Variants in ADH1B observed in about 807,000 individuals in gnomAD.
ADH1B encodes the protein alcohol dehydrogenase 1B (class I), beta polypeptide.
A neutral mutation model predicts 34.6 loss-of-function variants in ADH1B; 29 were observed. The ratio of observed to expected loss-of-function variants is 0.84; its 90% confidence interval spans 0.62 to 1.14. The LOEUF (loss-of-function observed/expected upper bound fraction) is 1.14. ADH1B is among the 50% of genes most tolerant of loss of function. The pLI, the probability that ADH1B is intolerant of heterozygous loss-of-function variation, is 0.00. For synonymous variants in ADH1B, 170 were observed against 175.5 expected, an observed-to-expected ratio of 0.97 and a Z score of 0.25; for missense variants, 424 against 468.4, an observed-to-expected ratio of 0.91 and a Z score of 0.87.
In ADH1B at chr4:99,307,787, T is replaced by A. The variant is rs1733648175; in HGVS notation, c.*53A>T. ...TATTTCCTAGCTGTTGCTCCAGATC[T>A]TGTAGGGTAGAGGAGGCTGAAGACT... On this transcript the variant is annotated 3_prime_UTR_variant, in exon 9 of 9. Coordinates refer to ENST00000305046, the MANE Select transcript of ADH1B (RefSeq NM_000668.6). The A allele has an allele frequency of 6.3e-7, 1 of 1,596,090 alleles. No homozygotes were observed. Among genetic ancestry groups the A allele is most frequent in the South Asian group, 1.1e-5 (1 of 90,680 alleles).
At chr4:99,314,125 TAGAA>T in intron 5 of ADH1B, 44 bp from the exon 6 acceptor site, 1 of 1,604,502 alleles carries the variant, frequency 6.2e-7, no homozygotes, top group Non-Finnish European at 8.5e-7. Context: ...TGATGATTGT[TAGAA>T]AGTGCCTAAG....
At chr4:99,311,772 C>A (rs1733760571) in intron 6 of ADH1B, 116 bp from the exon 7 acceptor site, 1 of 1,442,748 alleles carries the variant, frequency 6.9e-7, no homozygotes, top group Non-Finnish European at 9.4e-7. Flanking sequence ...GGGAAGAGAT[C>A]ATGTCTTTTG....
chr4:99,315,920 C>T lies in ADH1B; in HGVS notation c.545G>A (p.Gly182Glu). The change falls in exon 5 of 9, where the codon GGG (glycine) becomes GAG (glutamate). Residue 182 changes from glycine to glutamate, a missense_variant. Around this residue, in one of 3 missense-constraint regions of ADH1B, gnomAD observed 291 missense variants for 300.4 expected, o/e 0.97. Coordinates refer to ENST00000305046, the MANE Select transcript of ADH1B (RefSeq NM_000668.6). Reference sequence around the variant, plus strand: ...CACCTTGGCAACGTTAACTGCAGACCCATAACCAGTCGAGAATCCACAGCC... The same window carrying T: ...CACCTTGGCAACGTTAACTGCAGACTCATAACCAGTCGAGAATCCACAGCC... Reference protein sequence around the residue: ...LIGCGFSTGYGSAVNVAKVTP... With the variant: ...LIGCGFSTGYESAVNVAKVTP... 1 of 1,614,174 alleles carries T rather than the reference C, an allele frequency of 6.2e-7. No homozygotes were observed. The highest frequency in any genetic ancestry group is 8.5e-7 in the Non-Finnish European group (1 of 1,180,038).
intron 6 of ADH1B, among the ~76,000 whole-genome samples, chr4:99,312,739 GC>G: frequency 6.6e-6 from 1 of 152,268 alleles, no homozygotes; most frequent in East Asian, 1.9e-4. Context: ...TATACTCTCA[GC>G]ATTTTTGGAG....
chr4:99,316,621 A>T (rs966893862), intron 3 of ADH1B: 1 of 188,708 alleles, frequency 5.3e-6, no homozygotes, highest in African/African-American at 2.4e-5. Context: ...ACATCTTTTT[A>T]TTTAAACTTT....
chr4:99,314,593 A>G (rs1202196976), intron 5 of ADH1B: 1 of 159,474 alleles, frequency 6.3e-6, no homozygotes, highest in Non-Finnish European at 1.4e-5. Context: ...TATTCCACTT[A>G]AGCCCTCAGT....
At position 99,306,692 on chromosome 4, in the gene ADH1B, A is replaced by G. The variant is rs1390814397; in HGVS notation, c.*1148T>C. On this transcript the variant is annotated 3_prime_UTR_variant, in exon 9 of 9. Coordinates refer to ENST00000305046, the MANE Select transcript of ADH1B (RefSeq NM_000668.6). ...GAGTGGGAAAGCATTAACAAATGAGAGTGGGAAAAGCATTAACAAAGCATT... is the reference window on the plus strand; with the variant it reads ...GAGTGGGAAAGCATTAACAAATGAGGGTGGGAAAAGCATTAACAAAGCATT... 1 of 152,204 alleles carries G rather than the reference A, an allele frequency of 6.6e-6. No homozygotes were observed. The highest frequency in any genetic ancestry group is 2.4e-5 in the African/African-American group (1 of 41,448). 9.4% of individuals were successfully genotyped at this position (152,204 alleles called of 1,614,324 possible).
chr4:99,317,101 G>A (rs1002509677), intron 3 of ADH1B: 4 of 152,128 alleles, frequency 2.6e-5, no homozygotes, highest in African/African-American at 9.7e-5. Context: ...ACTTTGGATA[G>A]TTTATTTTAT....
At chr4:99,311,022 G>T in intron 7 of ADH1B, 119 bp from the exon 8 acceptor site, 3 of 1,228,332 alleles carry the variant, frequency 2.4e-6, no homozygotes, top group South Asian at 2.7e-5. Context: ...TGCTATAACT[G>T]AGGATAAGAA....
At chr4:99,316,527 A>G in intron 3 of ADH1B, 2 of 559,076 alleles carry the variant, frequency 3.6e-6, no homozygotes, top group Non-Finnish European at 6.3e-6. Flanking sequence ...AATGTGGGAG[A>G]CCACACAGAT....
At chr4:99,308,884 G>C (rs537746543) in intron 8 of ADH1B, among the ~76,000 whole-genome samples, 1 of 151,884 alleles carries the variant, frequency 6.6e-6, no homozygotes, top group Non-Finnish European at 1.5e-5. Flanking sequence ...GAGTTAATGG[G>C]TGCAGCACAC....
intron 1 of ADH1B, chr4:99,320,776 T>C: frequency 8.9e-7 from 1 of 1,126,702 alleles, no homozygotes; most frequent in Non-Finnish European, 1.1e-6. Context: ...AATTTGCATG[T>C]TGATGTCTTG....
chr4:99,317,213 C>G, intron 3 of ADH1B: 1 of 152,144 alleles, frequency 6.6e-6, no homozygotes, highest in Non-Finnish European at 1.5e-5. Context: ...TATTTCTAAT[C>G]ACCTATGCTA....
At chr4:99,315,755 C>G (rs1263475521) in intron 5 of ADH1B, 143 bp downstream of exon 5, 3 of 966,150 alleles carry the variant, frequency 3.1e-6, no homozygotes, top group East Asian at 5.2e-5. Context: ...CATGTGTACT[C>G]AATTCTTTCT....
chr4:99,320,982 A>G, intron 1 of ADH1B: 2 of 1,105,760 alleles, frequency 1.8e-6, no homozygotes, highest in Non-Finnish European at 2.3e-6. Flanking sequence ...TTATAAAGAT[A>G]ACTTGCCATT....
At chr4:99,311,756 T>A in intron 6 of ADH1B, 100 bp from the exon 7 acceptor site, 1 of 1,506,554 alleles carries the variant, frequency 6.6e-7, no homozygotes, top group Non-Finnish European at 9.0e-7. Flanking sequence ...ATTGTGAGTG[T>A]GTAGAGGGAA....
rs944930119 is a variant in ADH1B at position 99,310,275 on chromosome 4, G to A, written c.1103+490C>T. ...TTAAACTACAAAAGAAAAAGAAAAA[G>A]AGAAAAACTAGTAATATCTACCTAG... On this transcript the variant is annotated intron_variant, in intron 8 of 8. Transcript: ENST00000305046. 4 of 365,688 alleles carry A rather than the reference G, an allele frequency of 1.1e-5. No homozygotes were observed. The Admixed American group carries it at 1.6e-4, about 15-fold the overall frequency. 22.7% of individuals were successfully genotyped at this position (365,688 alleles called of 1,614,324 possible).
Position 99,321,343 on chromosome 4 carries a change from C to T in ADH1B, c.-12G>A, listed in dbSNP as rs1255971617. 6.2e-7 allele frequency: 1 copy of T among 1,610,702 alleles called. No individual in the cohort carries two copies. Among genetic ancestry groups the T allele is most frequent in the Admixed American group, 1.7e-5 (1 of 59,940 alleles). On this transcript the variant is annotated 5_prime_UTR_variant, in exon 1 of 9. Coordinates refer to ENST00000305046, the MANE Select transcript of ADH1B (RefSeq NM_000668.6). ...CCTGCTGTGCTCATGTCGTTTCTGTCTTCTCTGCCCACCAGCAGACTGTGA... is the reference window on the plus strand; with the variant it reads ...CCTGCTGTGCTCATGTCGTTTCTGTTTTCTCTGCCCACCAGCAGACTGTGA...
chr4:99,318,639 A>T, intron 2 of ADH1B, 146 bp downstream of exon 2: 1 of 787,424 alleles, frequency 1.3e-6, no homozygotes, highest in Non-Finnish European at 2.0e-6. Context: ...ATTTATATTT[A>T]TACCTTTCCT....
Sources: allele counts gnomAD v4.1 joint callset (sites outside exome capture counted in the v4.1 genomes callset), GRCh38; gene constraint gnomAD v4.1.1; regional missense constraint gnomAD v4.1.1; transcripts MANE v1.5; gene names NCBI Gene and HGNC (gene_info 2026-07-23, HGNC 2026-07-21).